TIAM2: variants seen among roughly 807,000 people sequenced by gnomAD.
TIAM2 encodes rho guanine nucleotide exchange factor TIAM2.
A neutral mutation model predicts 152.9 loss-of-function variants in TIAM2; 80 were observed. The observed-to-expected ratio is 0.52, with a 90% confidence interval of 0.44 to 0.63. TIAM2 has a LOEUF of 0.63. TIAM2 is among the 30% of genes least tolerant of loss of function. The pLI, the probability that TIAM2 is intolerant of heterozygous loss-of-function variation, is 0.00. For missense variants in TIAM2, 1,965 were observed against 2,120.1 expected (o/e 0.93, Z 1.44); for synonymous variants, 804 against 838.0 (o/e 0.96, Z 0.70).
intron 15 of TIAM2, among the ~76,000 whole-genome samples, chr6:155,232,372 C>T (rs1307369456): frequency 6.6e-6 from 1 of 152,104 alleles, no homozygotes; most frequent in Non-Finnish European, 1.5e-5. Context: ...TTTAGTAGTG[C>T]AGCCTCCCCA....
At chr6:154,999,254 C>T (rs1036540309) in intron 1 of TIAM2, among the ~76,000 whole-genome samples, 28 of 151,414 alleles carry the variant, frequency 1.8e-4, no homozygotes, top group African/African-American at 6.8e-4. Context: ...GCTCTGTCAC[C>T]CAGGTTGGAG....
Position 155,164,585 on chromosome 6 carries a change from C to T in TIAM2, c.2199C>T (p.Ser733=), listed in dbSNP as rs1303738959. The change falls in exon 8 of 27, where the codon TCC becomes TCT. Residue 733 remains serine (S), a synonymous_variant. Coordinates refer to ENST00000682666, the MANE Select transcript of TIAM2 (RefSeq NM_012454.4). The part of the protein sequence containing the change: ...ALGRLGILSV[S]SFHALVCSRD... ...GCAGGCTGGGCATCTTGTCTGTTTC[C>T]TCTTTCCATGCTCTGGTAAGTTCCT... is the stretch of plus-strand genomic sequence containing the variant. 2 of 1,612,780 alleles carry T rather than the reference C, an allele frequency of 1.2e-6. No homozygotes were observed. Among genetic ancestry groups the T allele is most frequent in the African/African-American group, 1.3e-5 (1 of 74,890 alleles).
intron 1 of TIAM2, among the ~76,000 whole-genome samples, chr6:155,027,840 T>C (rs1277230643): frequency 1.9e-5 from 2 of 103,024 alleles, no homozygotes; most frequent in Admixed American, 1.1e-4. Flanking sequence ...ATATATACTA[T>C]ATATAATATA....
intron 14 of TIAM2, among the ~76,000 whole-genome samples, chr6:155,208,516 C>A (rs1781643784): frequency 6.6e-6 from 1 of 152,078 alleles, no homozygotes; most frequent in African/African-American, 2.4e-5. Context: ...GGACTCTGGA[C>A]TCCCCGACCA....
chr6:155,189,036 C>T (rs1464147705), intron 14 of TIAM2, among the ~76,000 whole-genome samples: 1 of 152,178 alleles, frequency 6.6e-6, no homozygotes, highest in Admixed American at 6.5e-5. Context: ...CGTTGAGTCT[C>T]AAGCTACCAG....
chr6:155,157,504 G>A (rs189722744), intron 7 of TIAM2, among the ~76,000 whole-genome samples: 16 of 150,300 alleles, frequency 1.1e-4, no homozygotes, highest in African/African-American at 2.0e-4. Context: ...ACGAGGTCTC[G>A]CTATGTTGCC....
chr6:155,023,378 G>A (rs1776537256), intron 1 of TIAM2, among the ~76,000 whole-genome samples: 1 of 152,150 alleles, frequency 6.6e-6, no homozygotes, highest in Non-Finnish European at 1.5e-5. Flanking sequence ...GGCAAAAAGT[G>A]TTCTTATTAA....
In TIAM2 at chr6:155,257,042, G is replaced by C; in HGVS notation, c.5027G>C (p.Arg1676Pro). Residue 1676 changes from arginine (R) to proline (P), a missense_variant, in exon 27 of 27, where the codon CGA becomes CCA. Physicochemically the swap from Arg to Pro is moderately radical, Grantham distance 103 (BLOSUM62 -2). Coordinates refer to ENST00000682666, the MANE Select transcript of TIAM2 (RefSeq NM_012454.4). ...ATIDLNSVLE[R>P]EFSVQSLTSV... ...ATCGACCTAAATTCTGTTCTAGAGCGAGAATTCAGTGTCCAGAGTTTAACA... is the reference window on the plus strand; with the variant it reads ...ATCGACCTAAATTCTGTTCTAGAGCCAGAATTCAGTGTCCAGAGTTTAACA... 6.2e-7 allele frequency: 1 copy of C among 1,614,162 alleles called. No homozygotes were observed.
At chr6:155,143,013 C>CAAACACAGTAGTAGGATAAAGTACCGT (rs1325223733) in intron 5 of TIAM2, among the ~76,000 whole-genome samples, 1 of 152,146 alleles carries the variant, frequency 6.6e-6, no homozygotes, top group East Asian at 1.9e-4. Context: ...AATGAGGATG[C>CAAACACAGTAGTAGGATAAAGTACCGT]AAACACAGTA....
intron 1 of TIAM2, among the ~76,000 whole-genome samples, chr6:155,085,675 C>G (rs912373384): frequency 2.6e-5 from 4 of 152,102 alleles, no homozygotes; most frequent in Admixed American, 2.6e-4. Flanking sequence ...CTTTTCATCA[C>G]AAAGCTCAAG....
At position 155,101,553 on chromosome 6, in the gene TIAM2, G is replaced by A. The variant is rs79425749; in HGVS notation, c.-118+11174G>A. Among the ~76,000 whole-genome samples the A allele has an allele frequency of 8.9e-3, 1,357 of 152,210 alleles. 19 individuals are homozygous for A. The highest frequency in any genetic ancestry group is 0.029 in the African/African-American group (1,222 of 41,522). Reference sequence around the variant, plus strand: ...TTTTTACTTTTCTTCCTTGACTATAGCTAAGCAGTAAGGAGTGGTGCTTGG... The same window carrying A: ...TTTTTACTTTTCTTCCTTGACTATAACTAAGCAGTAAGGAGTGGTGCTTGG... On this transcript the variant is annotated intron_variant, in intron 2 of 26. Coordinates refer to ENST00000682666, the MANE Select transcript of TIAM2 (RefSeq NM_012454.4).
chr6:155,034,325 A>G (rs1481118737), intron 1 of TIAM2, among the ~76,000 whole-genome samples: 1 of 152,070 alleles, frequency 6.6e-6, no homozygotes, highest in Non-Finnish European at 1.5e-5. Flanking sequence ...GTCTTGGCTC[A>G]CTGCAACCTC....
intron 1 of TIAM2, among the ~76,000 whole-genome samples, chr6:155,042,106 T>C (rs1395801479): frequency 6.6e-6 from 1 of 151,974 alleles, no homozygotes; most frequent in Non-Finnish European, 1.5e-5. Flanking sequence ...TGGTGTGCTC[T>C]GGTCCTGTTG....
intron 14 of TIAM2, among the ~76,000 whole-genome samples, chr6:155,188,090 T>C (rs1185161856): frequency 1.3e-5 from 2 of 152,168 alleles, no homozygotes; most frequent in Admixed American, 1.3e-4. Context: ...TGGAATGAGA[T>C]AATGTGTGCA....
intron 1 of TIAM2, among the ~76,000 whole-genome samples, chr6:155,025,216 C>T (rs1279330107): frequency 8.0e-5 from 11 of 138,234 alleles, no homozygotes; most frequent in African/African-American, 2.7e-4. Context: ...TTTTTTGAGA[C>T]GGAGTCTCGC....
At chr6:155,029,587 T>G (rs1229907523) in intron 1 of TIAM2, among the ~76,000 whole-genome samples, 1 of 78,210 alleles carries the variant, frequency 1.3e-5, no homozygotes, top group African/African-American at 5.6e-5. Context: ...TATATAACTA[T>G]ATAGTATATA....
At position 155,186,660 on chromosome 6, in the gene TIAM2, G is replaced by A. The variant is rs1202078388; in HGVS notation, c.3064+3160G>A. ...TTCACTTGGCAGGAATTCTGAAAAC[G>A]TGCTTCTCCTCCTCCTCCCTCGCTT... On this transcript the variant is annotated intron_variant, in intron 14 of 26. Coordinates refer to ENST00000682666, the MANE Select transcript of TIAM2 (RefSeq NM_012454.4). The surrounding 1 kb of genome is among the most constrained non-coding windows in gnomAD (Gnocchi z 4.5). 6.6e-6 allele frequency among the ~76,000 whole-genome samples: 1 copy of A among 152,094 alleles called. No individual in the cohort carries two copies. The highest frequency in any genetic ancestry group is 2.4e-5 in the African/African-American group (1 of 41,400).
intron 15 of TIAM2, among the ~76,000 whole-genome samples, chr6:155,221,139 A>C (rs200100531): frequency 0.015 from 2,043 of 132,388 alleles, 44 homozygotes; most frequent in African/African-American, 0.05. Context: ...AAAAAAAAAA[A>C]CAAAAAAAAA....
At chr6:155,065,385 A>G (rs1777671062) in intron 1 of TIAM2, among the ~76,000 whole-genome samples, 1 of 152,196 alleles carries the variant, frequency 6.6e-6, no homozygotes, top group Non-Finnish European at 1.5e-5. Context: ...TTTTATTTCT[A>G]AAAGAAAAAT....
Sources: allele counts gnomAD v4.1 joint callset (sites outside exome capture counted in the v4.1 genomes callset), GRCh38; gene constraint gnomAD v4.1.1; non-coding constraint Gnocchi (gnomAD v3.1); transcripts MANE v1.5; gene names NCBI Gene and HGNC (gene_info 2026-07-23, HGNC 2026-07-21).